Variants in SUGCT observed in about 807,000 individuals in gnomAD.
The protein encoded by SUGCT is succinyl-CoA:glutarate-CoA transferase.
Under a neutral mutation model 55.0 loss-of-function variants are expected in SUGCT, and 41 were observed. That is an observed-to-expected ratio of 0.74 (90% CI 0.58 to 0.97). The LOEUF (loss-of-function observed/expected upper bound fraction) is 0.97. Ranked by LOEUF, SUGCT falls within the 50% of genes least tolerant of loss-of-function variation. The probability of loss-of-function intolerance (pLI) is 0.00; values close to 1 mark genes in which losing one functional copy is unlikely to be tolerated. For synonymous variants in SUGCT, 187 were observed against 200.4 expected, an observed-to-expected ratio of 0.93 and a Z score of 0.56; for missense variants, 568 against 547.8, an observed-to-expected ratio of 1.04 and a Z score of -0.37.
intron 8 of SUGCT, among the ~76,000 whole-genome samples, chr7:40,281,056 G>C (rs1792919567): frequency 1.3e-5 from 2 of 152,058 alleles, no homozygotes; most frequent in South Asian, 4.1e-4. Context: ...AACTGCATTG[G>C]TATAAAGATG....
chr7:40,716,210 G>A (rs1359458511), intron 12 of SUGCT, among the ~76,000 whole-genome samples: 1 of 152,160 alleles, frequency 6.6e-6, no homozygotes, highest in Non-Finnish European at 1.5e-5. Flanking sequence ...ACTGAAGCAG[G>A]GAGGTTTTCC....
intron 12 of SUGCT, among the ~76,000 whole-genome samples, chr7:40,642,950 A>T (rs1485495497): frequency 6.6e-6 from 1 of 152,214 alleles, no homozygotes; most frequent in Non-Finnish European, 1.5e-5. Flanking sequence ...CGGCAAAAAA[A>T]CAAAAACAAA....
At chr7:40,510,253 T>A (rs1792848798) in intron 12 of SUGCT, among the ~76,000 whole-genome samples, 1 of 152,128 alleles carries the variant, frequency 6.6e-6, no homozygotes, top group Non-Finnish European at 1.5e-5. Flanking sequence ...TCTGTTTTTT[T>A]ATTAAAATAA....
intron 12 of SUGCT, among the ~76,000 whole-genome samples, chr7:40,728,156 A>T (rs931943390): frequency 6.6e-6 from 1 of 152,202 alleles, no homozygotes; most frequent in Non-Finnish European, 1.5e-5. Context: ...ATATAAATTT[A>T]TACCTTTACC....
intron 12 of SUGCT, among the ~76,000 whole-genome samples, chr7:40,688,460 T>C (rs1286488461): frequency 6.6e-6 from 1 of 152,178 alleles, no homozygotes; most frequent in African/African-American, 2.4e-5. Context: ...TAAGATACCA[T>C]GTAATAGTAA....
intron 12 of SUGCT, 121 bp from the exon 13 acceptor site, chr7:40,749,313 A>G: frequency 1.3e-6 from 1 of 780,040 alleles, no homozygotes; most frequent in Non-Finnish European, 2.3e-6. Flanking sequence ...AAAATGTTAA[A>G]CACTTCTGTG....
At chr7:40,663,924 G>C (rs765217450) in intron 12 of SUGCT, among the ~76,000 whole-genome samples, 6 of 152,110 alleles carry the variant, frequency 3.9e-5, no homozygotes, top group Non-Finnish European at 8.8e-5. Flanking sequence ...GACCTTATTG[G>C]GAGATAAACT....
chr7:40,655,820 G>A (rs978569450), intron 12 of SUGCT, among the ~76,000 whole-genome samples: 1 of 152,070 alleles, frequency 6.6e-6, no homozygotes, highest in Non-Finnish European at 1.5e-5. Context: ...CATATCCAAT[G>A]GAGAATACTT....
chr7:40,548,875 T>G (rs1795151343), intron 12 of SUGCT, among the ~76,000 whole-genome samples: 1 of 152,232 alleles, frequency 6.6e-6, no homozygotes. Flanking sequence ...CCATGTCTTC[T>G]TATCTATTTA....
chr7:40,151,939 G>A (rs749167343), intron 1 of SUGCT, among the ~76,000 whole-genome samples: 21 of 152,138 alleles, frequency 1.4e-4, no homozygotes, highest in African/African-American at 5.1e-4. Context: ...TGAAGTCACC[G>A]GGGGTCAAAG....
chr7:40,141,910 C>T (rs1335256954), intron 1 of SUGCT: 11 of 331,378 alleles, frequency 3.3e-5, no homozygotes, highest in Non-Finnish European at 5.6e-5. Context: ...GGAAGGGGTT[C>T]TTATCCCTGA....
At position 40,188,586 on chromosome 7, in the gene SUGCT, A is replaced by T. The variant is rs758483577; in HGVS notation, c.312+6A>T. The T allele has an allele frequency of 4.4e-6, 7 of 1,585,402 alleles. No homozygotes were observed. Among genetic ancestry groups the T allele is most frequent in the Non-Finnish European group, 6.0e-6 (7 of 1,165,944 alleles). On this transcript the variant is annotated splice_donor_region_variant and intron_variant, in intron 4 of 13. Coordinates refer to ENST00000335693, the MANE Select transcript of SUGCT (RefSeq NM_001193313.2). ...GTGTTAACCGAAATAAAAAAGTAAG[A>T]ATATCATCCCTTTTTTGCTTTTTGT... is the stretch of plus-strand genomic sequence containing the variant.
intron 9 of SUGCT, among the ~76,000 whole-genome samples, chr7:40,374,435 G>T (rs906138109): frequency 6.6e-6 from 1 of 152,080 alleles, no homozygotes; most frequent in African/African-American, 2.4e-5. Flanking sequence ...CACTTTCCAT[G>T]TTTTCCCTTT....
intron 12 of SUGCT, among the ~76,000 whole-genome samples, chr7:40,704,637 A>G (rs951952268): frequency 2.0e-5 from 3 of 152,188 alleles, no homozygotes; most frequent in African/African-American, 7.2e-5. Flanking sequence ...TTCCCCAGCC[A>G]GCTTCCACAT....
chr7:40,805,740 A>C lies in SUGCT; in HGVS notation c.1154-54576A>C, dbSNP rs1791056441. 2.0e-5 allele frequency among the ~76,000 whole-genome samples: 3 copies of C among 152,342 alleles called. No homozygotes were observed. The South Asian group carries it at 6.2e-4, about 32-fold the overall frequency. Reference sequence around the variant, plus strand: ...AAAGAGGCAGGCAATTGTGGCCATGAGGGTATGACAAAGACATTGAGATTG... The same window carrying C: ...AAAGAGGCAGGCAATTGTGGCCATGCGGGTATGACAAAGACATTGAGATTG... On this transcript the variant is annotated intron_variant, in intron 13 of 13. Coordinates refer to ENST00000335693, the MANE Select transcript of SUGCT (RefSeq NM_001193313.2).
chr7:40,898,013 G>A, the SUGCT span, among the ~76,000 whole-genome samples: 2 of 152,074 alleles, frequency 1.3e-5, no homozygotes, highest in African/African-American at 4.8e-5. Context: ...CTTCCGGTGT[G>A]AAAGGTGTGT....
intron 13 of SUGCT, among the ~76,000 whole-genome samples, chr7:40,828,588 A>G (rs1239761769): frequency 3.3e-5 from 5 of 151,946 alleles, no homozygotes; most frequent in Non-Finnish European, 7.4e-5. Flanking sequence ...AAAAAAAAAA[A>G]AAAAAACTCA....
At chr7:40,345,965 A>G (rs1797285144) in intron 9 of SUGCT, among the ~76,000 whole-genome samples, 3 of 150,226 alleles carry the variant, frequency 2.0e-5, no homozygotes, top group African/African-American at 4.9e-5. Flanking sequence ...TTTTTTTTAT[A>G]TTAATTTTTT....
At chr7:40,855,965 C>T (rs1794148169) in intron 13 of SUGCT, among the ~76,000 whole-genome samples, 1 of 152,176 alleles carries the variant, frequency 6.6e-6, no homozygotes, top group African/African-American at 2.4e-5. Flanking sequence ...AATGTTATTG[C>T]AGATCCAAAC....
Sources: allele counts gnomAD v4.1 joint callset (sites outside exome capture counted in the v4.1 genomes callset), GRCh38; gene constraint gnomAD v4.1.1; transcripts MANE v1.5; gene names NCBI Gene and HGNC (gene_info 2026-07-23, HGNC 2026-07-21).